Variants in ANK2 observed in about 807,000 individuals in gnomAD.
ANK2 encodes ankyrin 2.
ANK2 carries 83 observed loss-of-function variants against 360.5 expected under a neutral mutation model. That is an observed-to-expected ratio of 0.23 (90% CI 0.19 to 0.28). The LOEUF (loss-of-function observed/expected upper bound fraction) is 0.28. Ranked by LOEUF, ANK2 falls within the 10% of genes least tolerant of loss-of-function variation. The pLI, the probability that ANK2 is intolerant of heterozygous loss-of-function variation, is 1.00. For synonymous variants in ANK2, 1,740 were observed against 1,759.5 expected (o/e 0.99, Z 0.28); for missense variants, 4,201 against 4,795.7 (o/e 0.88, Z 3.66).
intron 43 of ANK2, chr4:113,372,673 A>G (rs2096781996): frequency 1.5e-6 from 2 of 1,304,668 alleles, no homozygotes; most frequent in Non-Finnish European, 2.1e-6. Context: ...CTGTCCCCAT[A>G]TTCTAAGAGT....
At chr4:113,253,869 G>A (rs1420231643) in intron 10 of ANK2, among the ~76,000 whole-genome samples, 1 of 152,144 alleles carries the variant, frequency 6.6e-6, no homozygotes, top group African/African-American at 2.4e-5. Flanking sequence ...AGCACCCCAT[G>A]TCTCTCTGAG....
chr4:112,976,682 A>G (rs929352421), intron 2 of ANK2, among the ~76,000 whole-genome samples: 2 of 150,444 alleles, frequency 1.3e-5, no homozygotes, highest in African/African-American at 2.4e-5. Flanking sequence ...TTTTTTTCCT[A>G]AAGACATCCA....
chr4:112,814,264 G>GT (rs552754496), upstream of ANK2, among the ~76,000 whole-genome samples: 865 of 152,178 alleles, frequency 5.7e-3, 6 homozygotes, highest in African/African-American at 0.02. Context: ...CAGAAAACAA[G>GT]TGTTAATTAC....
At position 113,338,750 on chromosome 4, in the gene ANK2, C is replaced by T. The variant is rs1489034428; in HGVS notation, c.3797-476C>T. Among the ~76,000 whole-genome samples, 5 of 151,770 alleles carry T rather than the reference C, an allele frequency of 3.3e-5. No individual in the cohort carries two copies. In the East Asian group the frequency reaches 5.8e-4, roughly 18 times the overall value. The stretch of plus-strand genomic sequence containing the variant: ...ATTTTTAGTAGAGATGGGGTTTCAC[C>T]GTGTTAGCCAGGATGGTCTTGATCT... On this transcript the variant is annotated intron_variant, in intron 31 of 45. Coordinates refer to ENST00000357077, the MANE Select transcript of ANK2 (RefSeq NM_001148.6).
intron 27 of ANK2, 78 bp from the exon 28 acceptor site, chr4:113,331,894 G>T: frequency 7.5e-7 from 1 of 1,326,030 alleles, no homozygotes; most frequent in South Asian, 1.2e-5. Flanking sequence ...ATCAGCTGGC[G>T]ACGCTGGGGT....
chr4:113,043,054 T>C (rs2063353569), intron 2 of ANK2, among the ~76,000 whole-genome samples: 1 of 152,120 alleles, frequency 6.6e-6, no homozygotes, highest in Admixed American at 6.6e-5. Context: ...GGGTCCAGCA[T>C]ATAGTAGTCA....
the ANK2 span, chr4:112,787,994 CAT>C: frequency 1.4e-6 from 1 of 691,182 alleles, no homozygotes; most frequent in Non-Finnish European, 2.5e-6. Context: ...ACAGAGGACA[CAT>C]ATTATGTATT....
chr4:112,751,437 A>T, the ANK2 span, among the ~76,000 whole-genome samples: 1 of 152,230 alleles, frequency 6.6e-6, no homozygotes, highest in Admixed American at 6.5e-5. Flanking sequence ...AGGTTAGACT[A>T]AAAGGCGACT....
the ANK2 span, among the ~76,000 whole-genome samples, chr4:112,793,956 C>T: frequency 6.6e-6 from 1 of 152,154 alleles, no homozygotes; most frequent in Non-Finnish European, 1.5e-5. Flanking sequence ...CTCGGCCTCC[C>T]AAAGTGCTGG....
chr4:112,888,151 A>G (rs1173539401), intron 1 of ANK2, among the ~76,000 whole-genome samples: 1 of 152,114 alleles, frequency 6.6e-6, no homozygotes, highest in Non-Finnish European at 1.5e-5. Flanking sequence ...ATTGCTATTT[A>G]TATATATCAT....
At chr4:113,220,299 A>G (rs181393840) in intron 4 of ANK2, among the ~76,000 whole-genome samples, 64 of 152,312 alleles carry the variant, frequency 4.2e-4, no homozygotes, top group African/African-American at 1.3e-3. Flanking sequence ...GTCTGGGCCT[A>G]GGAGATAAGG....
chr4:113,214,548 A>G (rs1256633755), intron 4 of ANK2: 1 of 547,994 alleles, frequency 1.8e-6, no homozygotes. Context: ...ATAATATTCA[A>G]TACCATGAAT....
Position 113,359,158 on chromosome 4 carries a change from T to G in ANK2, c.10540T>G (p.Ser3514Ala). 1 of 1,613,414 alleles carries G rather than the reference T, an allele frequency of 6.2e-7. No homozygotes were observed. The highest frequency in any genetic ancestry group is 8.5e-7 in the Non-Finnish European group (1 of 1,179,474). Residue 3514 changes from serine (S) to alanine (A), a missense_variant, in exon 38 of 46, where the codon TCA (serine) becomes GCA (alanine). Around this residue, in one of 4 missense-constraint regions of ANK2, gnomAD observed 2,642 missense variants for 2,714.5 expected, o/e 0.97. Coordinates refer to ENST00000357077, the MANE Select transcript of ANK2 (RefSeq NM_001148.6). ...DDESSSALEV[S>A]VIENLPPVET... ...TGAAAGTAGTAGTGCCCTGGAAGTA[T>G]CAGTAATTGAAAATCTGCCACCTGT...
intron 1 of ANK2, among the ~76,000 whole-genome samples, chr4:113,062,763 TGA>T (rs1248280559): frequency 6.6e-6 from 1 of 152,104 alleles, no homozygotes; most frequent in Non-Finnish European, 1.5e-5. Context: ...TTACTGTATG[TGA>T]GAATGATCCC....
intron 1 of ANK2, among the ~76,000 whole-genome samples, chr4:112,821,078 AT>A (rs956440318): frequency 2.6e-5 from 4 of 151,672 alleles, no homozygotes; most frequent in African/African-American, 7.3e-5. Flanking sequence ...TGCCTGGCTA[AT>A]TTTTTTTGTA....
rs776226965 is a variant in ANK2, at chr4:113,274,608, G to T, written c.1642G>T (p.Val548Phe). 4.3e-6 allele frequency: 7 copies of T among 1,614,232 alleles called. No homozygotes were observed. Among genetic ancestry groups the T allele is most frequent in the Non-Finnish European group, 5.9e-6 (7 of 1,180,036 alleles). ...GGAGGGCCAGGTGGATGTGGCATCA[G>T]TCCTATTGGAAGCAGGAGCAGCCCA... ...AREGQVDVASVLLEAGAAHSL... is the reference protein window; with the variant it reads ...AREGQVDVASFLLEAGAAHSL... Residue 548 changes from valine (V) to phenylalanine (F), a missense_variant, in exon 15 of 46, where the codon GTC (valine) becomes TTC (phenylalanine). Val to Phe is a conservative substitution (Grantham distance 50). Coordinates refer to ENST00000357077, the MANE Select transcript of ANK2 (RefSeq NM_001148.6).
chr4:113,378,637 G>A (rs915444058), intron 45 of ANK2, among the ~76,000 whole-genome samples: 6 of 152,174 alleles, frequency 3.9e-5, no homozygotes, highest in Non-Finnish European at 7.3e-5. Flanking sequence ...TTCTGCATGT[G>A]AGTGGCCAAT....
chr4:112,964,203 T>C (rs1351773498), intron 2 of ANK2, among the ~76,000 whole-genome samples: 1 of 150,306 alleles, frequency 6.7e-6, no homozygotes, highest in South Asian at 2.2e-4. Flanking sequence ...GAGGCATCTA[T>C]CCCCTCAAGC....
chr4:112,776,787 G>A, the ANK2 span, among the ~76,000 whole-genome samples: 2 of 152,190 alleles, frequency 1.3e-5, no homozygotes, highest in Admixed American at 1.3e-4. Context: ...GACACAGGAA[G>A]TTTCATAAGA....
Sources: gnomAD v4.1 joint callset for allele counts (sites outside exome capture counted in the v4.1 genomes callset) on GRCh38, gnomAD v4.1.1 for gene constraint, gnomAD v4.1.1 regional missense constraint, MANE v1.5 for transcripts, NCBI Gene and HGNC (gene_info 2026-07-23, HGNC 2026-07-21) for gene names.